SLC18B1: variants seen among roughly 807,000 people sequenced by gnomAD.
SLC18B1 encodes solute carrier family 18 member B1.
Under a neutral mutation model 53.9 loss-of-function variants are expected in SLC18B1, and 62 were observed. The ratio of observed to expected loss-of-function variants is 1.15; its 90% CI spans 0.94 to 1.42. The LOEUF is 1.42. SLC18B1 is among the 40% of genes most tolerant of loss of function. SLC18B1 has a pLI of 0.00. For missense variants in SLC18B1, 598 were observed against 547.3 expected (o/e 1.09, Z -0.93); for synonymous variants, 217 against 200.9 (o/e 1.08, Z -0.68).
At chr6:132,792,326 A>C (rs551269010) in intron 2 of SLC18B1, among the ~76,000 whole-genome samples, 2 of 127,800 alleles carry the variant, frequency 1.6e-5, no homozygotes, top group Admixed American at 7.5e-5. Context: ...GAAGGAAGGA[A>C]GGAAGGAAGG....
chr6:132,797,779 A>G (rs1311396404), intron 1 of SLC18B1, among the ~76,000 whole-genome samples: 2 of 150,446 alleles, frequency 1.3e-5, no homozygotes, highest in South Asian at 2.1e-4. Flanking sequence ...ATTCATAAAT[A>G]AATACTTTTT....
intron 2 of SLC18B1, among the ~76,000 whole-genome samples, chr6:132,795,471 G>A (rs1781653198): frequency 6.6e-6 from 1 of 152,178 alleles, no homozygotes; most frequent in South Asian, 2.1e-4. Flanking sequence ...GGGATTAAAT[G>A]GATAAATAAG....
At chr6:132,789,974 A>G (rs960856269) in intron 3 of SLC18B1, 137 bp from the exon 4 acceptor site, 30 of 671,372 alleles carry the variant, frequency 4.5e-5, no homozygotes, top group Non-Finnish European at 5.3e-5. Context: ...ATTCTTTAAT[A>G]TGGTGACAGT....
chr6:132,770,377 A>C, intron 13 of SLC18B1, 41 bp from the exon 14 acceptor site: 1 of 1,527,652 alleles, frequency 6.5e-7, no homozygotes, highest in Non-Finnish European at 9.1e-7. Context: ...AATATTTCTC[A>C]TCTTAAAAAC....
At chr6:132,790,146 A>C (rs1781486794) in intron 3 of SLC18B1, 31 bp downstream of exon 3, 1 of 1,458,438 alleles carries the variant, frequency 6.9e-7, no homozygotes, top group South Asian at 1.3e-5. Flanking sequence ...ATTTTTAAAA[A>C]TTAAGATGTG....
Position 132,769,898 on chromosome 6 carries a change from G to A in SLC18B1, c.*372C>T, listed in dbSNP as rs1189196166. On this transcript the variant is annotated 3_prime_UTR_variant, in exon 14 of 14. Coordinates refer to ENST00000275227, the MANE Select transcript of SLC18B1 (RefSeq NM_052831.3). ...ATTTCTTTCCCTGTTAATAAAAAAGGTACATTCACAGAATCAGTGTACTTA... is the reference window on the plus strand; with the variant it reads ...ATTTCTTTCCCTGTTAATAAAAAAGATACATTCACAGAATCAGTGTACTTA... The A allele has an allele frequency of 6.2e-6, 1 of 160,518 alleles. No individual in the cohort carries two copies. Among genetic ancestry groups the A allele is most frequent in the East Asian group, 1.8e-4 (1 of 5,648 alleles). 9.9% of individuals were successfully genotyped at this position (160,518 alleles called of 1,614,324 possible).
chr6:132,795,453 T>A lies in SLC18B1; in HGVS notation c.183+1529A>T, dbSNP rs924458233. Among the ~76,000 whole-genome samples the A allele has an allele frequency of 3.3e-5, 5 of 152,164 alleles. No individual in the cohort carries two copies. The South Asian group carries it at 8.3e-4, about 25-fold the overall frequency. ...GAGATTCTCAAGATTCTGTATGAGG[T>A]TGTTGCGGGGATTAAATGGATAAAT... On this transcript the variant is annotated intron_variant, in intron 2 of 13. Coordinates refer to ENST00000275227, the MANE Select transcript of SLC18B1 (RefSeq NM_052831.3).
intron 11 of SLC18B1, among the ~76,000 whole-genome samples, chr6:132,771,455 C>A (rs1780972401): frequency 6.6e-6 from 1 of 151,864 alleles, no homozygotes; most frequent in Non-Finnish European, 1.5e-5. Context: ...CAATTCAAAA[C>A]AATATATTAC....
chr6:132,791,966 G>A (rs776900983), intron 2 of SLC18B1, among the ~76,000 whole-genome samples: 7 of 151,870 alleles, frequency 4.6e-5, no homozygotes, highest in Non-Finnish European at 7.4e-5. Flanking sequence ...GGGGGCTCAC[G>A]CCTGTAATCC....
chr6:132,792,204 G>A (rs1173592431), intron 2 of SLC18B1, among the ~76,000 whole-genome samples: 1 of 135,706 alleles, frequency 7.4e-6, no homozygotes, highest in Non-Finnish European at 1.5e-5. Context: ...CTCCAGCCTG[G>A]GTGACAGAGC....
chr6:132,774,420 C>T (rs1288136665), intron 8 of SLC18B1, 107 bp from the exon 9 acceptor site: 1 of 788,130 alleles, frequency 1.3e-6, no homozygotes, highest in Non-Finnish European at 2.0e-6. Flanking sequence ...ATTCAAAAAC[C>T]CAAATACAAT....
Position 132,797,029 on chromosome 6 carries a change from C to T in SLC18B1, c.136G>A (p.Gly46Ser), listed in dbSNP as rs147444196. 2 of 1,614,082 alleles carry T rather than the reference C, an allele frequency of 1.2e-6. No homozygotes were observed. The highest frequency in any genetic ancestry group is 1.7e-6 in the Non-Finnish European group (2 of 1,179,990). ...AGTATAGAATAGCACATCATGGAACCTAAGTTCACCGAAGCTGCCGATATC... is the reference window on the plus strand; with the variant it reads ...AGTATAGAATAGCACATCATGGAACTTAAGTTCACCGAAGCTGCCGATATC... ...VLISAASVNL[G>S]SMMCYSILGP... The change falls in exon 2 of 14, where the codon GGT becomes AGT. Residue 46 changes from glycine to serine, a missense_variant. Gly to Ser is a moderately conservative substitution (Grantham distance 56). Coordinates refer to ENST00000275227, the MANE Select transcript of SLC18B1 (RefSeq NM_052831.3).
chr6:132,792,947 C>G (rs6905784), intron 2 of SLC18B1, among the ~76,000 whole-genome samples: 1 of 152,024 alleles, frequency 6.6e-6, no homozygotes, highest in Non-Finnish European at 1.5e-5. Flanking sequence ...GGTGAAACCC[C>G]GTCTCTACTA....
chr6:132,779,916 T>C (rs1781189618), intron 6 of SLC18B1, among the ~76,000 whole-genome samples: 1 of 152,086 alleles, frequency 6.6e-6, no homozygotes, highest in Non-Finnish European at 1.5e-5. Context: ...GAACTCCCAT[T>C]TATAAAAACA....
intron 2 of SLC18B1, among the ~76,000 whole-genome samples, chr6:132,794,089 C>T (rs572630388): frequency 2.0e-5 from 3 of 150,532 alleles, no homozygotes; most frequent in African/African-American, 7.4e-5. Flanking sequence ...TCCACAGGCT[C>T]TTATTATTTT....
chr6:132,785,657 C>A (rs931433275), intron 5 of SLC18B1, among the ~76,000 whole-genome samples: 4 of 152,118 alleles, frequency 2.6e-5, no homozygotes, highest in African/African-American at 9.7e-5. Flanking sequence ...TCTTGCTGAT[C>A]AGAAAATCCA....
rs1001753761 is a variant in SLC18B1 at position 132,779,201 on chromosome 6, G to A, written c.795+67C>T. ...ACGCAAGGGTCTTTCCACAGAGCAG[G>A]GCCCAAGAACAAGCAGTTACATCCA... On this transcript the variant is annotated intron_variant, in intron 7 of 13. Coordinates refer to ENST00000275227, the MANE Select transcript of SLC18B1 (RefSeq NM_052831.3). 15 of 1,583,576 alleles carry A rather than the reference G, an allele frequency of 9.5e-6. No individual in the cohort carries two copies. In the African/African-American group the frequency reaches 2.0e-4, roughly 21 times the overall value.
At chr6:132,792,225 C>CAAGAGAGAAAGAAAGAAAGAAAGAA (rs553756627) in intron 2 of SLC18B1, among the ~76,000 whole-genome samples, 6 of 44,582 alleles carry the variant, frequency 1.3e-4, no homozygotes, top group African/African-American at 4.5e-4. Flanking sequence ...AAGACACTGT[C>CAAGAGAGAAAGAAAGAAAGAAAGAA]AGAAAGAAAG....
At position 132,771,347 on chromosome 6, in the gene SLC18B1, C is replaced by T. The variant is rs189475270; in HGVS notation, c.1161-218G>A. ...AACAATTTTGAAATTATTACTGCTT[C>T]TGAAAAGTTGATGGCTTATATAAAA... On this transcript the variant is annotated intron_variant, in intron 11 of 13. Coordinates refer to ENST00000275227, the MANE Select transcript of SLC18B1 (RefSeq NM_052831.3). Among the ~76,000 whole-genome samples the T allele has an allele frequency of 3.4e-3, 514 of 152,140 alleles. 5 individuals are homozygous for T. Among genetic ancestry groups the T allele is most frequent in the African/African-American group, 0.012 (496 of 41,506 alleles).
Sources: gnomAD v4.1 joint callset for allele counts (sites outside exome capture counted in the v4.1 genomes callset) on GRCh38, gnomAD v4.1.1 for gene constraint, MANE v1.5 for transcripts, NCBI Gene and HGNC (gene_info 2026-07-23, HGNC 2026-07-21) for gene names.